The following PID1 variants were observed in gnomAD, a reference collection of about 807,000 sequenced individuals.
The protein encoded by PID1 is phosphotyrosine interaction domain containing 1.
In PID1, 10 loss-of-function variants were observed where a neutral mutation model predicts 19.1. The ratio of observed to expected loss-of-function variants is 0.52; its 90% CI spans 0.32 to 0.89. The LOEUF is 0.89. Ranked by LOEUF, PID1 falls within the 40% of genes least tolerant of loss-of-function variation. The probability of loss-of-function intolerance (pLI) is 0.03; values close to 1 mark genes in which losing one functional copy is unlikely to be tolerated. For synonymous variants in PID1, 130 were observed against 116.0 expected (o/e 1.12, Z -0.78); for missense variants, 248 against 285.3 (o/e 0.87, Z 0.94).
chr2:229,044,411 G>A (rs1338928509), intron 2 of PID1, among the ~76,000 whole-genome samples: 1 of 150,970 alleles, frequency 6.6e-6, no homozygotes, highest in Non-Finnish European at 1.5e-5. Context: ...ACCACCACCT[G>A]GCCCCTCTCC....
chr2:229,117,530 T>A (rs1000625671), intron 2 of PID1, among the ~76,000 whole-genome samples: 18 of 152,234 alleles, frequency 1.2e-4, no homozygotes, highest in Admixed American at 1.1e-3. Context: ...GCCAGGCCGA[T>A]AATGCTCCTG....
chr2:229,159,967 T>C (rs1370855325), intron 1 of PID1, among the ~76,000 whole-genome samples: 23 of 152,098 alleles, frequency 1.5e-4, no homozygotes, highest in Admixed American at 1.5e-3. Flanking sequence ...GTTTGCCAAG[T>C]TGGTTGGGAA....
At chr2:229,081,019 A>G (rs1694658638) in intron 2 of PID1, among the ~76,000 whole-genome samples, 1 of 152,176 alleles carries the variant, frequency 6.6e-6, no homozygotes, top group South Asian at 2.1e-4. Flanking sequence ...TAATTATCTC[A>G]AACAATAATG....
intron 1 of PID1, among the ~76,000 whole-genome samples, chr2:229,181,913 T>C (rs1690954161): frequency 6.6e-6 from 1 of 152,224 alleles, no homozygotes; most frequent in African/African-American, 2.4e-5. Context: ...CTTAAATGTA[T>C]ATTACTAAGT....
intron 1 of PID1, among the ~76,000 whole-genome samples, chr2:229,164,918 T>C (rs1674602012): frequency 6.6e-6 from 1 of 152,146 alleles, no homozygotes; most frequent in African/African-American, 2.4e-5. Context: ...TCCTTAAATA[T>C]TCAGCTGACT....
rs144393936 is a variant in PID1 at position 229,049,707 on chromosome 2, T to C, written c.178-23599A>G. ...TCAGAAATCTAGAGGTTAACCTCTT[T>C]GCACTCAGAAGACCATAAAAAACTT... On this transcript the variant is annotated intron_variant, in intron 2 of 2. Coordinates refer to ENST00000392055, the MANE Select transcript of PID1 (RefSeq NM_001100818.2). 4.0e-3 allele frequency among the ~76,000 whole-genome samples: 605 copies of C among 152,326 alleles called. 7 individuals carry two copies. Among genetic ancestry groups the C allele is most frequent in the African/African-American group, 0.014 (587 of 41,576 alleles).
Position 229,184,460 on chromosome 2 carries a change from GCCCGTATATATATAT to G in PID1, c.31-28511_31-28497del. Among the ~76,000 whole-genome samples, 2 of 5,686 alleles carry G rather than the reference GCCCGTATATATATAT, an allele frequency of 3.5e-4. 1 individual carries two copies. The highest frequency in any genetic ancestry group is 3.3e-3 in the African/African-American group (2 of 606). 3.7% of individuals were successfully genotyped at this position (5,686 alleles called of 152,430 possible). A position where few individuals can be genotyped will look rare whatever the true frequency, so the allele number is the denominator to read the frequency against. On this transcript the variant is annotated intron_variant, in intron 1 of 2. Coordinates refer to ENST00000392055, the MANE Select transcript of PID1 (RefSeq NM_001100818.2). ...TATATATATAGCCCGTATATATATA[GCCCGTATATATATAT>G]CCCGTATATATATATACCGTATATA...
chr2:229,252,170 T>C (rs1329218137), intron 1 of PID1, among the ~76,000 whole-genome samples: 1 of 152,068 alleles, frequency 6.6e-6, no homozygotes, highest in African/African-American at 2.4e-5. Flanking sequence ...GCTCAGCAGT[T>C]AGCAAGAGAG....
intron 1 of PID1, among the ~76,000 whole-genome samples, chr2:229,159,444 C>G (rs1407482889): frequency 6.6e-6 from 1 of 152,156 alleles, no homozygotes; most frequent in Non-Finnish European, 1.5e-5. Context: ...AAATTTGATT[C>G]AGTCGGTTCA....
At chr2:229,183,569 C>G (rs891318473) in intron 1 of PID1, among the ~76,000 whole-genome samples, 25 of 152,158 alleles carry the variant, frequency 1.6e-4, no homozygotes, top group African/African-American at 5.6e-4. Context: ...TGGGCTGACT[C>G]TCCATCAAGT....
intron 1 of PID1, among the ~76,000 whole-genome samples, chr2:229,240,912 G>C (rs928470091): frequency 2.0e-5 from 3 of 151,878 alleles, no homozygotes; most frequent in Admixed American, 2.0e-4. Flanking sequence ...CTTCTACATT[G>C]TTCAACTGGA....
At chr2:229,116,724 C>T (rs1218434344) in intron 2 of PID1, among the ~76,000 whole-genome samples, 1 of 152,154 alleles carries the variant, frequency 6.6e-6, no homozygotes, top group Non-Finnish European at 1.5e-5. Context: ...GTCAGTTAAA[C>T]CTCTTTCCTT....
chr2:229,087,985 A>T lies in PID1; in HGVS notation c.178-61877T>A, dbSNP rs562825178. Among the ~76,000 whole-genome samples, 3 of 152,212 alleles carry T rather than the reference A, an allele frequency of 2.0e-5. No homozygotes were observed. The South Asian group carries it at 6.2e-4, about 32-fold the overall frequency. On this transcript the variant is annotated intron_variant, in intron 2 of 2. Coordinates refer to ENST00000392055, the MANE Select transcript of PID1 (RefSeq NM_001100818.2). ...AATCACACATGCACCCCCCACACAC[A>T]AACACCTGCACTCTGCAGAAATCCC...
intron 2 of PID1, among the ~76,000 whole-genome samples, chr2:229,034,509 C>T (rs374599004): frequency 1.6e-4 from 25 of 152,264 alleles, no homozygotes; most frequent in African/African-American, 6.0e-4. Context: ...ATCCCAACTG[C>T]CCTTCTCAAG....
At chr2:229,116,733 T>G (rs1695417624) in intron 2 of PID1, among the ~76,000 whole-genome samples, 1 of 152,218 alleles carries the variant, frequency 6.6e-6, no homozygotes, top group Non-Finnish European at 1.5e-5. Context: ...ACCTCTTTCC[T>G]TTATAAATTA....
rs140563918 is a variant in PID1 at position 229,119,483 on chromosome 2, C to T, written c.177+36335G>A. Among the ~76,000 whole-genome samples, 4 of 152,248 alleles carry T rather than the reference C, an allele frequency of 2.6e-5. No homozygotes were observed. In the East Asian group the frequency reaches 5.8e-4, roughly 22 times the overall value. ...ATAATTCAAATGCTTTACCTCATGT[C>T]ATCTGTTCTTTATTTAAAGCCATCA... On this transcript the variant is annotated intron_variant, in intron 2 of 2. Transcript: ENST00000392055.
At chr2:229,116,438 G>A (rs2106154273) in intron 2 of PID1, among the ~76,000 whole-genome samples, 1 of 152,074 alleles carries the variant, frequency 6.6e-6, no homozygotes, top group South Asian at 2.1e-4. Context: ...GATATGGTTT[G>A]GCTGTGTCCC....
Position 229,145,427 on chromosome 2 carries a change from T to C in PID1, c.177+10391A>G, listed in dbSNP as rs1166329185. Among the ~76,000 whole-genome samples the C allele has an allele frequency of 1.6e-4, 24 of 151,872 alleles. 2 individuals are homozygous for C. On this transcript the variant is annotated intron_variant, in intron 2 of 2. Transcript: ENST00000392055. ...TCTACCATAGTGGAAATATATTTTA[T>C]CCACAAAACCAACCCAGAAAAATAT...
chr2:229,268,172 C>T (rs1053379553), intron 1 of PID1, among the ~76,000 whole-genome samples: 3 of 152,244 alleles, frequency 2.0e-5, no homozygotes, highest in Non-Finnish European at 4.4e-5. Context: ...CGCAGCTCTG[C>T]TCAGGGCAAT....
Sources: gnomAD v4.1 joint callset for allele counts (sites outside exome capture counted in the v4.1 genomes callset) on GRCh38, gnomAD v4.1.1 for gene constraint, MANE v1.5 for transcripts, NCBI Gene and HGNC (gene_info 2026-07-23, HGNC 2026-07-21) for gene names.